Variants in CORIN observed in about 807,000 individuals in gnomAD.
CORIN encodes atrial natriuretic peptide-converting enzyme.
CORIN carries 117 observed loss-of-function variants against 125.3 expected under a neutral mutation model. That is an observed-to-expected ratio of 0.93 (90% confidence interval 0.80 to 1.09). The LOEUF (loss-of-function observed/expected upper bound fraction) is 1.09, where lower values mean the gene tolerates loss of function less well. CORIN is among the 50% of genes least tolerant of loss of function. CORIN has a pLI of 0.00. For missense variants in CORIN, 1,253 were observed against 1,306.7 expected, an observed-to-expected ratio of 0.96 and a Z score of 0.63; for synonymous variants, 450 against 466.4, an observed-to-expected ratio of 0.96 and a Z score of 0.45.
In CORIN at chr4:47,797,276, A is replaced by G. The variant is rs1731338249; in HGVS notation, c.208+9627T>C. ...TTTATAATATAGTAAATAATTATAT[A>G]TGTATATGTAAAATTTGAGGAAGGT... is the stretch of plus-strand genomic sequence containing the variant. On this transcript the variant is annotated intron_variant, in intron 2 of 21. Coordinates refer to ENST00000273857, the MANE Select transcript of CORIN (RefSeq NM_006587.4). 2.0e-5 allele frequency among the ~76,000 whole-genome samples: 3 copies of G among 149,926 alleles called. No individual in the cohort carries two copies. In the Admixed American group the frequency reaches 2.0e-4, roughly 10 times the overall value.
intron 13 of CORIN, among the ~76,000 whole-genome samples, chr4:47,646,588 C>A (rs547170916): frequency 1.3e-5 from 2 of 152,312 alleles, no homozygotes; most frequent in Admixed American, 1.3e-4. Flanking sequence ...CTGGCCCCGG[C>A]CAGGCCGTGA....
chr4:47,673,386 A>G (rs887053482), intron 10 of CORIN, among the ~76,000 whole-genome samples: 2 of 151,696 alleles, frequency 1.3e-5, no homozygotes, highest in African/African-American at 4.8e-5. Context: ...AGAAAAAAAA[A>G]AAAAAGGAAT....
At chr4:47,809,628 G>A (rs1330876081) in intron 1 of CORIN, among the ~76,000 whole-genome samples, 1 of 151,832 alleles carries the variant, frequency 6.6e-6, no homozygotes, top group Non-Finnish European at 1.5e-5. Context: ...GACTGGTCTC[G>A]AACTCCTGAC....
At chr4:47,780,836 C>T (rs1048297080) in intron 3 of CORIN, among the ~76,000 whole-genome samples, 2 of 151,554 alleles carry the variant, frequency 1.3e-5, no homozygotes, top group Non-Finnish European at 2.9e-5. Flanking sequence ...AGTGCTGTAA[C>T]TTTAAGATGT....
At chr4:47,674,708 T>G (rs948759755) in intron 9 of CORIN, among the ~76,000 whole-genome samples, 1 of 152,170 alleles carries the variant, frequency 6.6e-6, no homozygotes, top group Admixed American at 6.5e-5. Flanking sequence ...TATTCCAAAA[T>G]AGGAATGAAG....
chr4:47,720,766 A>T (rs1009333246), intron 5 of CORIN, among the ~76,000 whole-genome samples: 2 of 152,194 alleles, frequency 1.3e-5, no homozygotes, highest in Non-Finnish European at 1.5e-5. Flanking sequence ...ATTTGATTCC[A>T]ACTTTGAATG....
intron 7 of CORIN, chr4:47,683,467 A>T (rs543494800): frequency 3.3e-6 from 1 of 302,560 alleles, no homozygotes; most frequent in Admixed American, 4.8e-5. Flanking sequence ...AGGAAAAAAA[A>T]CTATTAATGC....
At chr4:47,709,271 CTTTATTTATTTA>C (rs71199994) in intron 5 of CORIN, among the ~76,000 whole-genome samples, 140 of 148,428 alleles carry the variant, frequency 9.4e-4, no homozygotes, top group South Asian at 6.6e-4. Context: ...ATTTGCAGTA[CTTTATTTATTTA>C]TTTATTTATT....
At chr4:47,749,315 G>A (rs1361937762) in intron 4 of CORIN, among the ~76,000 whole-genome samples, 1 of 152,140 alleles carries the variant, frequency 6.6e-6, no homozygotes. Flanking sequence ...CTTCTGCATT[G>A]CTAACAGACT....
At chr4:47,820,690 C>T (rs1411484759) in intron 1 of CORIN, among the ~76,000 whole-genome samples, 1 of 151,938 alleles carries the variant, frequency 6.6e-6, no homozygotes. Flanking sequence ...GAAAAATGAG[C>T]TCACAATAAA....
intron 3 of CORIN, among the ~76,000 whole-genome samples, chr4:47,774,728 T>C (rs774953485): frequency 3.3e-5 from 5 of 152,182 alleles, no homozygotes; most frequent in African/African-American, 7.2e-5. Context: ...ACTAGCCCCA[T>C]TGACAAGTCT....
Position 47,603,705 on chromosome 4 carries a change from C to T in CORIN, c.2541-37G>A, listed in dbSNP as rs370637821. On this transcript the variant is annotated intron_variant, in intron 19 of 21. Coordinates refer to ENST00000273857, the MANE Select transcript of CORIN (RefSeq NM_006587.4). ...ATTCAAGAGCTATTGGCATCTTAAA[C>T]TCTAGTTTATCATGTGAAATTCACA... 76 of 1,592,772 alleles carry T rather than the reference C, an allele frequency of 4.8e-5. No homozygotes were observed. In the East Asian group the frequency reaches 1.6e-3, roughly 33 times the overall value.
At chr4:47,706,989 A>G (rs1254642197) in intron 5 of CORIN, 1 of 1,550,702 alleles carries the variant, frequency 6.4e-7, no homozygotes, top group Admixed American at 1.9e-5. Context: ...TACCGCTAAT[A>G]CAAGTAAAGT....
At chr4:47,616,244 A>G (rs79028889) in intron 19 of CORIN, among the ~76,000 whole-genome samples, 7,497 of 152,196 alleles carry the variant, frequency 0.049, 258 homozygotes, top group Non-Finnish European at 0.078. Flanking sequence ...CATATATTTG[A>G]TATTCAAGTA....
Position 47,677,941 on chromosome 4 carries a change from CGCT to C in CORIN, c.1243_1245del (p.Ser415del). On this transcript the variant is annotated inframe_deletion, in exon 9 of 22. Coordinates refer to ENST00000273857, the MANE Select transcript of CORIN (RefSeq NM_006587.4). ...TGGGGTGGTGGGACACACTTACTGACGCTGCAGTTCTCCTCATCACTCCCATCC... is the reference window on the plus strand; with the variant it reads ...TGGGGTGGTGGGACACACTTACTGACGCAGTTCTCCTCATCACTCCCATCC... 1 of 1,606,714 alleles carries C rather than the reference CGCT, an allele frequency of 6.2e-7. No homozygotes were observed. Among genetic ancestry groups the C allele is most frequent in the Non-Finnish European group, 8.5e-7 (1 of 1,173,320 alleles).
Position 47,687,998 on chromosome 4 carries a change from T to C in CORIN, c.914-4160A>G, listed in dbSNP as rs115786758. Among the ~76,000 whole-genome samples the C allele has an allele frequency of 8.6e-3, 1,316 of 152,300 alleles. 25 individuals carry two copies. Among genetic ancestry groups the C allele is most frequent in the African/African-American group, 0.029 (1,219 of 41,562 alleles). On this transcript the variant is annotated intron_variant, in intron 6 of 21. Transcript: ENST00000273857. ...AGGGTAGTTTGTTTAGCAGCATCTC[T>C]GGCCTCTACCCACTAGATGCCAGTA... is the stretch of plus-strand genomic sequence containing the variant.
chr4:47,738,683 C>T (rs1560526979), intron 5 of CORIN, among the ~76,000 whole-genome samples: 1 of 151,830 alleles, frequency 6.6e-6, no homozygotes, highest in Non-Finnish European at 1.5e-5. Context: ...GAACATATGC[C>T]CATATAGAGG....
chr4:47,800,959 G>T (rs963289682), intron 2 of CORIN, among the ~76,000 whole-genome samples: 1 of 151,802 alleles, frequency 6.6e-6, no homozygotes, highest in Admixed American at 6.6e-5. Context: ...AGAGTTCATC[G>T]ACTCCTGCTG....
intron 20 of CORIN, among the ~76,000 whole-genome samples, chr4:47,601,622 C>T (rs1721451941): frequency 6.6e-6 from 1 of 151,922 alleles, no homozygotes; most frequent in Admixed American, 6.6e-5. Flanking sequence ...TGCACTATTG[C>T]TCTGAGTTCA....
Sources: gnomAD v4.1 joint callset for allele counts (sites outside exome capture counted in the v4.1 genomes callset) on GRCh38, gnomAD v4.1.1 for gene constraint, MANE v1.5 for transcripts, NCBI Gene and HGNC (gene_info 2026-07-23, HGNC 2026-07-21) for gene names.